The following DACH1 variants were observed in gnomAD, a reference collection of about 807,000 sequenced individuals.
DACH1 encodes dachshund family transcription factor 1, also known as dachshund homolog 1.
Under a neutral mutation model 54.2 loss-of-function variants are expected in DACH1, and 12 were observed. That is an observed-to-expected ratio of 0.22 (90% CI 0.14 to 0.36). The LOEUF is 0.36. Ranked by LOEUF, DACH1 falls within the 10% of genes least tolerant of loss-of-function variation. DACH1 has a pLI of 1.00. For synonymous variants in DACH1, 386 were observed against 366.2 expected, an observed-to-expected ratio of 1.05 and a Z score of -0.62; for missense variants, 805 against 929.8, an observed-to-expected ratio of 0.87 and a Z score of 1.75.
At chr13:71,457,959 C>G (rs1319220419) in intron 10 of DACH1, among the ~76,000 whole-genome samples, 5 of 151,880 alleles carry the variant, frequency 3.3e-5, no homozygotes, top group Admixed American at 3.3e-4. Context: ...TAGCCTGGAT[C>G]TCTTTCCCAG....
At chr13:71,489,216 G>T in intron 6 of DACH1, 68 bp from the exon 7 acceptor site, 2 of 1,515,920 alleles carry the variant, frequency 1.3e-6, no homozygotes, top group Non-Finnish European at 1.8e-6. Context: ...CCTCAGTAAT[G>T]GCTTCCCTAG....
At chr13:71,803,306 CCTCT>C (rs1307843845) in intron 1 of DACH1, among the ~76,000 whole-genome samples, 9 of 152,012 alleles carry the variant, frequency 5.9e-5, no homozygotes, top group African/African-American at 1.9e-4. Context: ...TAACAAACAC[CCTCT>C]CTAACAGTAT....
intron 1 of DACH1, among the ~76,000 whole-genome samples, chr13:71,723,942 C>T (rs1358092767): frequency 1.3e-5 from 2 of 152,132 alleles, no homozygotes; most frequent in East Asian, 1.9e-4. Flanking sequence ...CTGCCCACCT[C>T]GGCCTCCCAA....
intron 1 of DACH1, among the ~76,000 whole-genome samples, chr13:71,684,184 A>G (rs1354954505): frequency 6.6e-6 from 1 of 152,098 alleles, no homozygotes; most frequent in Non-Finnish European, 1.5e-5. Flanking sequence ...TCCAAGACAC[A>G]CATTCAATTT....
chr13:71,597,825 A>C (rs1874208795), intron 3 of DACH1, among the ~76,000 whole-genome samples: 1 of 152,110 alleles, frequency 6.6e-6, no homozygotes, highest in Admixed American at 6.5e-5. Context: ...GTTTTGTTGA[A>C]AGAAAGGCAG....
chr13:71,765,158 T>A (rs1954690315), intron 1 of DACH1, among the ~76,000 whole-genome samples: 1 of 152,178 alleles, frequency 6.6e-6, no homozygotes, highest in Non-Finnish European at 1.5e-5. Flanking sequence ...TTTCCATGAA[T>A]TTGTTATCTT....
chr13:71,769,934 C>T (rs908102821), intron 1 of DACH1, among the ~76,000 whole-genome samples: 3 of 151,598 alleles, frequency 2.0e-5, no homozygotes, highest in Non-Finnish European at 4.4e-5. Flanking sequence ...ATTCTTTTGC[C>T]CTCATGGCAA....
At chr13:71,525,355 A>T (rs1010820886) in intron 6 of DACH1, among the ~76,000 whole-genome samples, 12 of 152,072 alleles carry the variant, frequency 7.9e-5, no homozygotes, top group South Asian at 4.1e-4. Context: ...AATCTTTTTT[A>T]AAAAAATCCC....
chr13:71,580,576 C>T (rs1166770621), intron 3 of DACH1, among the ~76,000 whole-genome samples: 1 of 152,108 alleles, frequency 6.6e-6, no homozygotes, highest in Non-Finnish European at 1.5e-5. Flanking sequence ...AAATTGAAAA[C>T]ATTTTTCCCA....
At chr13:71,642,549 T>C (rs1203251452) in intron 2 of DACH1, among the ~76,000 whole-genome samples, 2 of 152,220 alleles carry the variant, frequency 1.3e-5, no homozygotes, top group Non-Finnish European at 2.9e-5. Context: ...CAAAAGAACA[T>C]AGAAAAATAG....
chr13:71,695,401 A>G (rs1411812949), intron 1 of DACH1, among the ~76,000 whole-genome samples: 3 of 152,254 alleles, frequency 2.0e-5, no homozygotes, highest in Non-Finnish European at 4.4e-5. Context: ...TCTTATTGTT[A>G]GAATACATAG....
chr13:71,797,006 A>G (rs570174380), intron 1 of DACH1, among the ~76,000 whole-genome samples: 13 of 152,162 alleles, frequency 8.5e-5, no homozygotes, highest in African/African-American at 3.1e-4. Context: ...TTTCACATAT[A>G]GAAATTCCAA....
At chr13:71,522,458 C>G (rs1218101218) in intron 6 of DACH1, among the ~76,000 whole-genome samples, 1 of 151,978 alleles carries the variant, frequency 6.6e-6, no homozygotes, top group Non-Finnish European at 1.5e-5. Flanking sequence ...ACTTTCGCCC[C>G]AAATAATCCA....
intron 2 of DACH1, among the ~76,000 whole-genome samples, chr13:71,642,544 G>T (rs1252008058): frequency 2.0e-5 from 3 of 152,270 alleles, no homozygotes; most frequent in East Asian, 1.9e-4. Flanking sequence ...ATGTTCAAAA[G>T]AACATAGAAA....
intron 1 of DACH1, among the ~76,000 whole-genome samples, chr13:71,850,302 C>G (rs1478928226): frequency 1.3e-5 from 2 of 152,170 alleles, no homozygotes; most frequent in Admixed American, 6.6e-5. Context: ...TGAGATAGCT[C>G]TACTTTAAAA....
intron 2 of DACH1, among the ~76,000 whole-genome samples, chr13:71,668,689 C>T (rs928951710): frequency 5.3e-5 from 8 of 151,994 alleles, no homozygotes; most frequent in Non-Finnish European, 1.0e-4. Flanking sequence ...CTTTGAGAGG[C>T]TGAGGCAGGC....
In DACH1 at chr13:71,828,322, G is replaced by GC. The variant is rs574354175; in HGVS notation, c.848+37599_848+37600insG. Among the ~76,000 whole-genome samples the GC allele has an allele frequency of 4.6e-5, 7 of 152,070 alleles. No individual in the cohort carries two copies. In the South Asian group the frequency reaches 1.5e-3, roughly 32 times the overall value. On this transcript the variant is annotated intron_variant, in intron 1 of 10. Transcript: ENST00000613252. The stretch of plus-strand genomic sequence containing the variant: ...CAGGGTAACGGAAAGGCTCGGGACA[G>GC]AGTGATAAGATCTGTGTCTGCTTCT...
intron 6 of DACH1, among the ~76,000 whole-genome samples, chr13:71,502,042 A>T (rs976107215): frequency 6.6e-6 from 1 of 152,166 alleles, no homozygotes; most frequent in African/African-American, 2.4e-5. Flanking sequence ...GTAACACACA[A>T]ATTTTTTAAG....
intron 3 of DACH1, among the ~76,000 whole-genome samples, chr13:71,581,004 C>T (rs1254772925): frequency 7.5e-6 from 1 of 133,118 alleles, no homozygotes; most frequent in Non-Finnish European, 1.7e-5. Flanking sequence ...AAAAGTTTGT[C>T]TTAATGTAAG....
Sources: allele counts gnomAD v4.1 joint callset (sites outside exome capture counted in the v4.1 genomes callset), GRCh38; gene constraint gnomAD v4.1.1; transcripts MANE v1.5; gene names NCBI Gene and HGNC (gene_info 2026-07-23, HGNC 2026-07-21).